PAFAH1B1: variants seen among roughly 807,000 people sequenced by gnomAD.
The protein encoded by PAFAH1B1 is platelet-activating factor acetylhydrolase IB subunit beta.
Under a neutral mutation model 57.5 loss-of-function variants are expected in PAFAH1B1, and 2 were observed. The ratio of observed to expected loss-of-function variants is 0.03; its 90% CI spans 0.01 to 0.11. The LOEUF (loss-of-function observed/expected upper bound fraction) is 0.11. Among genes scored for constraint, PAFAH1B1 ranks in the 10% least tolerant of loss-of-function variants. The pLI is 1.00. For missense variants in PAFAH1B1, 257 were observed against 512.0 expected (o/e 0.50, Z 4.81); for synonymous variants, 152 against 169.6 (o/e 0.90, Z 0.81).
chr17:2,599,586 A>G (rs2068117151), intron 1 of PAFAH1B1, among the ~76,000 whole-genome samples: 1 of 152,226 alleles, frequency 6.6e-6, no homozygotes, highest in Non-Finnish European at 1.5e-5. Flanking sequence ...GTGAAAGGAA[A>G]TGTGCTATCC....
chr17:2,607,385 C>T (rs1178820841), intron 1 of PAFAH1B1, among the ~76,000 whole-genome samples: 1 of 151,198 alleles, frequency 6.6e-6, no homozygotes, highest in Non-Finnish European at 1.5e-5. Context: ...CCATGTTGGC[C>T]AGGGTGGTCT....
intron 6 of PAFAH1B1, among the ~76,000 whole-genome samples, 166 bp from the exon 7 acceptor site, chr17:2,672,489 C>T (rs2069198121): frequency 6.6e-6 from 1 of 151,582 alleles, no homozygotes; most frequent in Non-Finnish European, 1.5e-5. Flanking sequence ...ATTTTTTTAA[C>T]TTTATCGTGT....
At chr17:2,651,808 G>T (rs984980572) in intron 2 of PAFAH1B1, among the ~76,000 whole-genome samples, 5 of 152,056 alleles carry the variant, frequency 3.3e-5, no homozygotes, top group African/African-American at 1.2e-4. Flanking sequence ...TCACATTTAT[G>T]TGGTGTATTT....
chr17:2,679,523 T>TG (rs2069339135), intron 9 of PAFAH1B1, among the ~76,000 whole-genome samples: 1 of 125,964 alleles, frequency 7.9e-6, no homozygotes, highest in African/African-American at 3.5e-5. Flanking sequence ...GATGGATGGA[T>TG]GATTGGATGG....
chr17:2,621,425 C>G (rs948941314), intron 1 of PAFAH1B1, among the ~76,000 whole-genome samples: 1 of 152,138 alleles, frequency 6.6e-6, no homozygotes, highest in Non-Finnish European at 1.5e-5. Context: ...TGCAAGGTGT[C>G]ATGGAACCCA....
At chr17:2,630,751 T>C (rs1265564361) in intron 1 of PAFAH1B1, among the ~76,000 whole-genome samples, 1 of 152,208 alleles carries the variant, frequency 6.6e-6, no homozygotes, top group Non-Finnish European at 1.5e-5. Context: ...TGATTATTCT[T>C]AGGTTTGGTC....
intron 3 of PAFAH1B1, 73 bp from the exon 4 acceptor site, chr17:2,665,943 A>C (rs1567554822): frequency 7.6e-6 from 10 of 1,321,212 alleles, no homozygotes; most frequent in Non-Finnish European, 5.1e-6. Context: ...ATTTGGACTT[A>C]AAGATGAATG....
At chr17:2,652,411 T>A (rs1014831312) in intron 2 of PAFAH1B1, among the ~76,000 whole-genome samples, 1 of 152,090 alleles carries the variant, frequency 6.6e-6, no homozygotes, top group African/African-American at 2.4e-5. Context: ...CGAGACTCCG[T>A]CTCAAACAAA....
chr17:2,615,990 C>T (rs1306252105), intron 1 of PAFAH1B1, among the ~76,000 whole-genome samples: 1 of 152,124 alleles, frequency 6.6e-6, no homozygotes, highest in Non-Finnish European at 1.5e-5. Context: ...GCGGCAGAGG[C>T]AGTGAATACA....
At chr17:2,649,132 G>C (rs2068814293) in intron 2 of PAFAH1B1, among the ~76,000 whole-genome samples, 1 of 135,990 alleles carries the variant, frequency 7.4e-6, no homozygotes, top group South Asian at 2.3e-4. Flanking sequence ...CAGGAGGATT[G>C]CTTGAAACTG....
At chr17:2,624,077 A>G (rs2068458034) in intron 1 of PAFAH1B1, among the ~76,000 whole-genome samples, 1 of 152,204 alleles carries the variant, frequency 6.6e-6, no homozygotes, top group South Asian at 2.1e-4. Context: ...TCTCTAGGGC[A>G]GGGGCAAAAT....
At chr17:2,617,742 A>G (rs1468324352) in intron 1 of PAFAH1B1, among the ~76,000 whole-genome samples, 1 of 150,006 alleles carries the variant, frequency 6.7e-6, no homozygotes, top group East Asian at 2.0e-4. Context: ...ACATGGTGAA[A>G]CCCCCTGTCT....
intron 1 of PAFAH1B1, among the ~76,000 whole-genome samples, chr17:2,598,369 G>A (rs2068107043): frequency 6.6e-6 from 1 of 152,102 alleles, no homozygotes; most frequent in Non-Finnish European, 1.5e-5. Context: ...TGAGTCATGC[G>A]CTCTTTTGCC....
At chr17:2,604,736 G>A (rs2068186633) in intron 1 of PAFAH1B1, among the ~76,000 whole-genome samples, 1 of 152,152 alleles carries the variant, frequency 6.6e-6, no homozygotes, top group South Asian at 2.1e-4. Context: ...ACTTGACCCA[G>A]GAGGAGTATT....
chr17:2,664,823 AT>A (rs1447352780), intron 2 of PAFAH1B1, among the ~76,000 whole-genome samples: 1 of 152,112 alleles, frequency 6.6e-6, no homozygotes, highest in Non-Finnish European at 1.5e-5. Context: ...CTAATTCTAA[AT>A]GAATGTCTCA....
intron 1 of PAFAH1B1, among the ~76,000 whole-genome samples, chr17:2,597,039 C>A (rs1042859536): frequency 1.3e-5 from 2 of 152,034 alleles, no homozygotes; most frequent in Non-Finnish European, 2.9e-5. Context: ...CCAGCCTGGG[C>A]GACAGAGCAA....
In PAFAH1B1 at chr17:2,682,569, A is replaced by AT. The variant is rs1443808492; in HGVS notation, c.*768dup. ...TAAGCTTCTATTTTCCACACTGGAC[A>AT]TACTTCTAGTTGTATTCTCCATACT... On this transcript the variant is annotated 3_prime_UTR_variant, in exon 11 of 11. Coordinates refer to ENST00000397195, the MANE Select transcript of PAFAH1B1 (RefSeq NM_000430.4). 1 of 152,666 alleles carries AT rather than the reference A, an allele frequency of 6.6e-6. No individual in the cohort carries two copies. The highest frequency in any genetic ancestry group is 2.4e-5 in the African/African-American group (1 of 41,458). 9.5% of individuals were successfully genotyped at this position (152,666 alleles called of 1,614,324 possible). A position where few individuals can be genotyped will look rare whatever the true frequency, so the allele number is the denominator to read the frequency against.
intron 1 of PAFAH1B1, among the ~76,000 whole-genome samples, chr17:2,599,804 T>C (rs1203657956): frequency 1.3e-5 from 2 of 152,136 alleles, no homozygotes; most frequent in Non-Finnish European, 2.9e-5. Context: ...GGCTCTTATG[T>C]TGACAAGAAT....
At chr17:2,606,867 T>A (rs1400183616) in intron 1 of PAFAH1B1, among the ~76,000 whole-genome samples, 3 of 142,316 alleles carry the variant, frequency 2.1e-5, no homozygotes, top group Non-Finnish European at 4.5e-5. Flanking sequence ...TCGCCCAGGC[T>A]GGGCTGGAGT....
Sources: gnomAD v4.1 joint callset for allele counts (sites outside exome capture counted in the v4.1 genomes callset) on GRCh38, gnomAD v4.1.1 for gene constraint, MANE v1.5 for transcripts, NCBI Gene and HGNC (gene_info 2026-07-23, HGNC 2026-07-21) for gene names.